The following ASIC2 variants were observed in gnomAD, a reference collection of about 807,000 sequenced individuals.
ASIC2 encodes acid sensing ion channel subunit 2, also known as acid-sensing ion channel 2.
ASIC2 carries 25 observed loss-of-function variants against 57.3 expected under a neutral mutation model. That is an observed-to-expected ratio of 0.44 (90% confidence interval 0.32 to 0.61). ASIC2 has a LOEUF of 0.61. ASIC2 is among the 20% of genes least tolerant of loss of function. The pLI, the probability that ASIC2 is intolerant of heterozygous loss-of-function variation, is 0.06. For synonymous variants in ASIC2, 319 were observed against 307.5 expected, an observed-to-expected ratio of 1.04 and a Z score of -0.39; for missense variants, 641 against 738.1, an observed-to-expected ratio of 0.87 and a Z score of 1.52.
rs1904712913 is a variant in ASIC2, at chr17:34,156,162, G to A, written c.371C>T (p.Pro124Leu). Residue 124 changes from proline to leucine, a missense_variant, in exon 1 of 10, where the codon CCG becomes CTG. By Grantham distance (98) the Pro-to-Leu change is moderately conservative. Transcript: ENST00000359872. The surrounding 1 kb of genome is among the most constrained non-coding windows in gnomAD (Gnocchi z 4.4). ...GGAGGGGTCAGCCAGATGGGGGTCC[G>A]GGATCTGCAGGTTGACATCCAGCAG... 4 of 1,614,068 alleles carry A rather than the reference G, an allele frequency of 2.5e-6. No homozygotes were observed. The highest frequency in any genetic ancestry group is 3.4e-6 in the Non-Finnish European group (4 of 1,180,016).
intron 1 of ASIC2, among the ~76,000 whole-genome samples, chr17:33,816,344 A>G (rs752236366): frequency 6.6e-6 from 1 of 152,226 alleles, no homozygotes; most frequent in Non-Finnish European, 1.5e-5. Context: ...AAAAGCATGA[A>G]TGAATGCATG....
chr17:33,863,762 A>G (rs1327603495), intron 1 of ASIC2, among the ~76,000 whole-genome samples: 3 of 152,170 alleles, frequency 2.0e-5, no homozygotes, highest in Admixed American at 2.0e-4. Flanking sequence ...CAATCTCTAA[A>G]CATTAGCTGA....
chr17:33,799,475 T>TTTCC (rs1567719219), intron 1 of ASIC2, among the ~76,000 whole-genome samples: 1 of 142,430 alleles, frequency 7.0e-6, no homozygotes, highest in African/African-American at 2.6e-5. Flanking sequence ...TCTTTCTTTC[T>TTTCC]TTCCTTCTTT....
At chr17:33,167,209 T>A (rs1905338647) in intron 1 of ASIC2, among the ~76,000 whole-genome samples, 1 of 151,780 alleles carries the variant, frequency 6.6e-6, no homozygotes, top group African/African-American at 2.4e-5. Flanking sequence ...CAGCCCCTGG[T>A]CCCATCAAAT....
intron 1 of ASIC2, among the ~76,000 whole-genome samples, chr17:33,456,528 T>A (rs1275465988): frequency 1.3e-5 from 2 of 152,194 alleles, no homozygotes; most frequent in Non-Finnish European, 2.9e-5. Flanking sequence ...TACTGATACA[T>A]CTTTCTGATG....
At chr17:33,822,194 C>T (rs1449448930) in intron 1 of ASIC2, among the ~76,000 whole-genome samples, 1 of 152,170 alleles carries the variant, frequency 6.6e-6, no homozygotes, top group Non-Finnish European at 1.5e-5. Flanking sequence ...TCTGAGCTAC[C>T]GTAATACCCA....
chr17:34,039,590 C>T (rs577631949), intron 1 of ASIC2: 28 of 1,613,916 alleles, frequency 1.7e-5, no homozygotes, highest in Admixed American at 1.7e-4. Context: ...GTTCCCGGCC[C>T]GCTTCCCCCA....
chr17:33,123,287 C>T (rs765415075), intron 1 of ASIC2, among the ~76,000 whole-genome samples: 8 of 152,134 alleles, frequency 5.3e-5, no homozygotes, highest in Admixed American at 1.3e-4. Flanking sequence ...GGTATAGATA[C>T]GCAATGAAAT....
At position 33,497,768 on chromosome 17, in the gene ASIC2, A is replaced by G. The variant is rs140076565; in HGVS notation, c.556-385701T>C. ...ACTTACTTTTTTTCAGATAAAAAAA[A>G]GGAGGCTCAGAGAGGTTAAGTCACT... On this transcript the variant is annotated intron_variant, in intron 1 of 9. Coordinates refer to the ASIC2 transcript ENST00000359872. 2.8e-4 allele frequency among the ~76,000 whole-genome samples: 42 copies of G among 152,360 alleles called. No individual in the cohort carries two copies. In the East Asian group the frequency reaches 7.9e-3, roughly 29 times the overall value.
At chr17:33,365,472 A>ATTTATCCATGG (rs1908773710) in intron 1 of ASIC2, among the ~76,000 whole-genome samples, 1 of 152,002 alleles carries the variant, frequency 6.6e-6, no homozygotes, top group Admixed American at 6.6e-5. Flanking sequence ...GATAAATCTC[A>ATTTATCCATGG]CTTTAGAAGA....
intron 1 of ASIC2, among the ~76,000 whole-genome samples, chr17:33,744,371 C>A (rs1050823366): frequency 2.0e-5 from 3 of 152,084 alleles, no homozygotes; most frequent in Admixed American, 2.0e-4. Flanking sequence ...GGGTGTAATA[C>A]CAAATCAGGA....
chr17:33,037,486 A>C (rs1361826943), intron 3 of ASIC2, among the ~76,000 whole-genome samples: 4 of 148,748 alleles, frequency 2.7e-5, no homozygotes, highest in Non-Finnish European at 5.9e-5. Flanking sequence ...AGCGTCTCTG[A>C]AGCCTCACAC....
intron 1 of ASIC2, among the ~76,000 whole-genome samples, chr17:34,144,722 T>G (rs1180952402): frequency 6.6e-6 from 1 of 152,236 alleles, no homozygotes. Context: ...TACACCTGTC[T>G]GGCACTAAAT....
intron 1 of ASIC2, among the ~76,000 whole-genome samples, chr17:33,876,144 G>T (rs918667556): frequency 6.6e-6 from 1 of 152,088 alleles, no homozygotes; most frequent in Non-Finnish European, 1.5e-5. Context: ...TTGTTTCTTT[G>T]TACCTCTGCA....
In ASIC2 at chr17:33,075,019, A is replaced by G. The variant is rs146592459; in HGVS notation, c.987+13844T>C. Among the ~76,000 whole-genome samples the G allele has an allele frequency of 5.6e-4, 85 of 152,260 alleles. 1 individual carries two copies. Among genetic ancestry groups the G allele is most frequent in the African/African-American group, 1.9e-3 (80 of 41,560 alleles). On this transcript the variant is annotated intron_variant, in intron 3 of 9. Coordinates refer to ENST00000225823, the MANE Select transcript of ASIC2 (RefSeq NM_183377.2). ...GCAGAGTGAGGTCACCTCCACTGCC[A>G]TGTCCCCTCTGAGAGGTGGTAATAT...
intron 1 of ASIC2, chr17:34,071,116 C>G (rs539011283): frequency 6.6e-6 from 1 of 152,228 alleles, no homozygotes; most frequent in Non-Finnish European, 1.5e-5. Flanking sequence ...ACCCTTGTTA[C>G]ATGCAGCACT....
At chr17:33,811,146 G>A (rs1198928843) in intron 1 of ASIC2, among the ~76,000 whole-genome samples, 2 of 152,138 alleles carry the variant, frequency 1.3e-5, no homozygotes, top group East Asian at 3.9e-4. Flanking sequence ...CAACCTGCAG[G>A]TCAATTGGAA....
intron 1 of ASIC2, among the ~76,000 whole-genome samples, chr17:33,220,755 C>T (rs1013110415): frequency 6.6e-6 from 1 of 152,034 alleles, no homozygotes. Context: ...TTACTATCCC[C>T]CATGAGATGC....
At chr17:33,799,334 T>C (rs890415029) in intron 1 of ASIC2, among the ~76,000 whole-genome samples, 1 of 148,246 alleles carries the variant, frequency 6.7e-6, no homozygotes, top group Admixed American at 6.7e-5. Flanking sequence ...TTTCCCTCCC[T>C]CTCTGTTTCC....
Sources: gnomAD v4.1 joint callset for allele counts (sites outside exome capture counted in the v4.1 genomes callset) on GRCh38, gnomAD v4.1.1 for gene constraint, Gnocchi (gnomAD v3.1) non-coding constraint, MANE v1.5 for transcripts, NCBI Gene and HGNC (gene_info 2026-07-23, HGNC 2026-07-21) for gene names.